The following DMC1 variants were observed in gnomAD, a reference collection of about 807,000 sequenced individuals.
The protein encoded by DMC1 is DNA meiotic recombinase 1.
Under a neutral mutation model 50.1 loss-of-function variants are expected in DMC1, and 27 were observed. The ratio of observed to expected loss-of-function variants is 0.54; its 90% CI spans 0.40 to 0.74. DMC1 has a LOEUF of 0.74. Among genes scored for constraint, DMC1 ranks in the 30% least tolerant of loss-of-function variants. The pLI is 0.00. For missense variants in DMC1, 295 were observed against 420.2 expected (o/e 0.70, Z 2.60); for synonymous variants, 148 against 136.1 (o/e 1.09, Z -0.61).
At position 38,519,681 on chromosome 22, in the gene DMC1, G is replaced by A. The variant is rs2090002438; in HGVS notation, c.*339C>T. On this transcript the variant is annotated 3_prime_UTR_variant, in exon 14 of 14. Coordinates refer to ENST00000216024, the MANE Select transcript of DMC1 (RefSeq NM_007068.4). ...TGAAAAGTGAAAGGGAGGGAATCAC[G>A]TACTCCTTTCCCAACAACTAGTTTT... 1.0e-5 allele frequency: 3 copies of A among 294,590 alleles called. No individual in the cohort carries two copies. Among genetic ancestry groups the A allele is most frequent in the South Asian group, 6.6e-5 (2 of 30,158 alleles). The allele number at this position is 294,590 out of a possible 1,614,324, so 18.2% of individuals were successfully genotyped here. A position where few individuals can be genotyped will look rare whatever the true frequency, so the allele number is the denominator to read the frequency against.
intron 7 of DMC1, 140 bp from the exon 8 acceptor site, chr22:38,550,137 A>G (rs2090387509): frequency 1.5e-6 from 1 of 653,348 alleles, no homozygotes; most frequent in Non-Finnish European, 2.7e-6. Context: ...TCTAAACAAC[A>G]TGTTATATTT....
At chr22:38,522,221 G>C (rs1285760258) in intron 12 of DMC1, among the ~76,000 whole-genome samples, 8 of 150,570 alleles carry the variant, frequency 5.3e-5, no homozygotes, top group Admixed American at 2.6e-4. Context: ...AAAGTGCTGG[G>C]GTTACAAGCA....
In DMC1 at chr22:38,538,165, G is replaced by C. The variant is rs929343498; in HGVS notation, c.775+130C>G. On this transcript the variant is annotated intron_variant, in intron 11 of 13. Coordinates refer to ENST00000216024, the MANE Select transcript of DMC1 (RefSeq NM_007068.4). ...TCTCAAAAAACAAAAAAAAAACAAA[G>C]AGTTGTATTCTCATAAAGGTAATTT... 12 of 741,288 alleles carry C rather than the reference G, an allele frequency of 1.6e-5. 1 individual carries two copies. The highest frequency in any genetic ancestry group is 1.3e-4 in the Admixed American group (5 of 39,092). The allele number at this position is 741,288 out of a possible 1,614,324, so 45.9% of individuals were successfully genotyped here. A position where few individuals can be genotyped will look rare whatever the true frequency, so the allele number is the denominator to read the frequency against.
chr22:38,569,011 G>T (rs11570370), intron 1 of DMC1, among the ~76,000 whole-genome samples: 1 of 151,754 alleles, frequency 6.6e-6, no homozygotes, highest in Non-Finnish European at 1.5e-5. Flanking sequence ...GCCAATCCCC[G>T]TCTCTACTAA....
chr22:38,564,850 C>T (rs2090565640), intron 4 of DMC1, among the ~76,000 whole-genome samples: 1 of 152,160 alleles, frequency 6.6e-6, no homozygotes, highest in African/African-American at 2.4e-5. Flanking sequence ...TGTGGGTACA[C>T]TGCCTGAGTG....
rs149919053 is a variant in DMC1, at chr22:38,566,689, G to A, written c.144C>T (p.Ile48=). 1.2e-6 allele frequency: 2 copies of A among 1,612,598 alleles called. No individual in the cohort carries two copies. The highest frequency in any genetic ancestry group is 1.7e-6 in the Non-Finnish European group (2 of 1,178,630). The change falls in exon 4 of 14, where the codon ATC becomes ATT. Residue 48 remains isoleucine (I), a synonymous_variant. Transcript: ENST00000216024. ...TTCTTGTTGTCATCTGTATACCTTTGATGGTACAGATTCCTACTGATTTCA... is the reference window on the plus strand; with the variant it reads ...TTCTTGTTGTCATCTGTATACCTTTAATGGTACAGATTCCTACTGATTTCA... The part of the protein sequence containing the change: ...KKLKSVGICT[I]KGIQMTTRRA...
At chr22:38,562,193 T>G (rs748772950) in intron 5 of DMC1, 94 bp downstream of exon 5, 88 of 843,966 alleles carry the variant, frequency 1.0e-4, no homozygotes, top group Non-Finnish European at 1.6e-4. Context: ...AGAAGCTACT[T>G]CTACTACTTA....
downstream of DMC1, among the ~76,000 whole-genome samples, chr22:38,515,157 T>C (rs2089967961): frequency 1.3e-5 from 2 of 149,958 alleles, no homozygotes; most frequent in Admixed American, 1.3e-4. Context: ...TGAGCCACTG[T>C]GCCTAGCCTG....
In DMC1 at chr22:38,519,811, C is replaced by T. The variant is rs2090004054; in HGVS notation, c.*209G>A. The T allele has an allele frequency of 3.8e-6, 2 of 523,170 alleles. No homozygotes were observed. The highest frequency in any genetic ancestry group is 7.0e-6 in the Non-Finnish European group (2 of 285,950). The allele number at this position is 523,170 out of a possible 1,614,324, so 32.4% of individuals were successfully genotyped here. A position where few individuals can be genotyped will look rare whatever the true frequency, so the allele number is the denominator to read the frequency against. On this transcript the variant is annotated 3_prime_UTR_variant, in exon 14 of 14. Transcript: ENST00000216024. ...ACAAACACACACACACACAAACATA[C>T]ATATACATATCCCTGAATTTACATA...
chr22:38,527,445 T>C (rs754065452), intron 12 of DMC1, among the ~76,000 whole-genome samples: 22 of 151,752 alleles, frequency 1.4e-4, no homozygotes, highest in Non-Finnish European at 3.1e-4. Context: ...CCTCAAGTGA[T>C]CCGCCCACCT....
chr22:38,553,351 A>T (rs1408863831), intron 6 of DMC1, among the ~76,000 whole-genome samples: 1 of 149,770 alleles, frequency 6.7e-6, no homozygotes, highest in Non-Finnish European at 1.5e-5. Flanking sequence ...ACAAAAAATT[A>T]GCTGGGTGTG....
At chr22:38,550,092 T>C (rs901806617) in intron 7 of DMC1, 95 bp from the exon 8 acceptor site, 26 of 869,524 alleles carry the variant, frequency 3.0e-5, no homozygotes, top group Non-Finnish European at 4.5e-5. Context: ...TGCAACTCTT[T>C]AGTACATTTT....
rs551276801 is a variant in DMC1 at position 38,543,108 on chromosome 22, G to C, written c.495-3696C>G. Among the ~76,000 whole-genome samples, 9 of 152,160 alleles carry C rather than the reference G, an allele frequency of 5.9e-5. No homozygotes were observed. The South Asian group carries it at 1.9e-3, about 32-fold the overall frequency. ...CCTCAAACTATGAAACTACTAAAAG[G>C]AAGCATTGGGGAAACTCTGTAGAAC... On this transcript the variant is annotated intron_variant, in intron 8 of 13. Transcript: ENST00000216024.
chr22:38,541,278 T>A (rs763315719), intron 8 of DMC1, among the ~76,000 whole-genome samples: 9 of 152,154 alleles, frequency 5.9e-5, no homozygotes, highest in Non-Finnish European at 1.2e-4. Context: ...TAATCACTTA[T>A]ATATTTTTAA....
chr22:38,526,574 T>C (rs8140235), intron 12 of DMC1, among the ~76,000 whole-genome samples: 12,886 of 151,146 alleles, frequency 0.085, 1,356 homozygotes, highest in African/African-American at 0.25. Context: ...AAACATCCCC[T>C]CCCCACCAAA....
Position 38,524,411 on chromosome 22 carries a change from G to C in DMC1, c.837-2687C>G, listed in dbSNP as rs376929994. Reference sequence around the variant, plus strand: ...AGCCCAGGCGACAGAGCGAGATTCCGTCTCAAAAAAATAAAATAAAACAAA... The same window carrying C: ...AGCCCAGGCGACAGAGCGAGATTCCCTCTCAAAAAAATAAAATAAAACAAA... On this transcript the variant is annotated intron_variant, in intron 12 of 13. Transcript: ENST00000216024. Among the ~76,000 whole-genome samples, 11 of 151,784 alleles carry C rather than the reference G, an allele frequency of 7.2e-5. No individual in the cohort carries two copies. In the East Asian group the frequency reaches 2.1e-3, roughly 29 times the overall value.
chr22:38,565,527 T>C lies in DMC1; in HGVS notation c.243+1063A>G, dbSNP rs563340516. On this transcript the variant is annotated intron_variant, in intron 4 of 13. Coordinates refer to ENST00000216024, the MANE Select transcript of DMC1 (RefSeq NM_007068.4). ...TAATTAAAAGTGGGTATAACTATAA[T>C]GGCAAAACTGCCTCTGAGCTGCTAC... Among the ~76,000 whole-genome samples, 28 of 152,362 alleles carry C rather than the reference T, an allele frequency of 1.8e-4. No individual in the cohort carries two copies. In the South Asian group the frequency reaches 5.6e-3, roughly 30 times the overall value.
chr22:38,520,964 G>A (rs1040173586), intron 13 of DMC1, among the ~76,000 whole-genome samples: 8 of 149,864 alleles, frequency 5.3e-5, no homozygotes, highest in Admixed American at 2.7e-4. Context: ...TCAAACTTCT[G>A]GCCTCAGGTG....
intron 5 of DMC1, among the ~76,000 whole-genome samples, chr22:38,555,622 TG>T (rs1305832294): frequency 2.6e-5 from 4 of 152,188 alleles, no homozygotes; most frequent in African/African-American, 7.2e-5. Flanking sequence ...TATGGGCAAG[TG>T]GATCAGCAAA....
Sources: gnomAD v4.1 joint callset for allele counts (sites outside exome capture counted in the v4.1 genomes callset) on GRCh38, gnomAD v4.1.1 for gene constraint, MANE v1.5 for transcripts, NCBI Gene and HGNC (gene_info 2026-07-23, HGNC 2026-07-21) for gene names.